Variants in PLEC observed in about 807,000 individuals in gnomAD.
PLEC encodes plectin, also known as hemidesmosomal protein 1.
In PLEC, 216 loss-of-function variants were observed where a neutral mutation model predicts 392.8. The ratio of observed to expected loss-of-function variants is 0.55; its 90% confidence interval spans 0.49 to 0.62. PLEC has a LOEUF of 0.62. PLEC is among the 20% of genes least tolerant of loss of function. PLEC has a pLI of 0.00. For synonymous variants in PLEC, 3,621 were observed against 2,980.6 expected, an observed-to-expected ratio of 1.21 and a Z score of -7.00; for missense variants, 6,863 against 6,563.4, an observed-to-expected ratio of 1.05 and a Z score of -1.58.
Position 143,919,534 on chromosome 8 carries a change from G to A in PLEC, c.10287C>T (p.Ala3429=), listed in dbSNP as rs759606321. Residue 3429 remains alanine, a synonymous_variant, in exon 32 of 32, where the codon GCC becomes GCT. Transcript: ENST00000345136. ...CTCTGTAGCCGGTGACGGCCTTCTC[G>A]GCAGACAGCAGCTGCTCGTGAAGCT... ...GPELHEQLLS[A]EKAVTGYRDP... The A allele has an allele frequency of 4.5e-5, 72 of 1,611,146 alleles. No homozygotes were observed. The highest frequency in any genetic ancestry group is 5.6e-5 in the Non-Finnish European group (66 of 1,179,536).
chr8:143,930,559 A>T lies in PLEC; in HGVS notation c.2305-23T>A, dbSNP rs1554714245. 5.1e-6 allele frequency: 8 copies of T among 1,570,150 alleles called. No homozygotes were observed. The South Asian group carries it at 8.1e-5, about 16-fold the overall frequency. Reference sequence around the variant, plus strand: ...GTCCTGTGGGGGAGGGGCAGCATCCAGACGAGGGCCATGGAGACCCACAGG... The same window carrying T: ...GTCCTGTGGGGGAGGGGCAGCATCCTGACGAGGGCCATGGAGACCCACAGG... On this transcript the variant is annotated intron_variant, in intron 19 of 31. Coordinates refer to ENST00000345136, the MANE Select transcript of PLEC (RefSeq NM_201384.3).
rs782526167 is a variant in PLEC at position 143,919,067 on chromosome 8, A to G, written c.10754T>C (p.Met3585Thr). Reference sequence around the variant, plus strand: ...CGACTGCATCACCTCCCACAGGGACATGGTGGAGCCGCCGTGGCTGCCGCC... The same window carrying G: ...CGACTGCATCACCTCCCACAGGGACGTGGTGGAGCCGCCGTGGCTGCCGCC... Reference protein sequence around the residue: ...PGGGSHGGSTMSLWEVMQSDL... With the variant: ...PGGGSHGGSTTSLWEVMQSDL... Residue 3585 changes from methionine (M) to threonine (T), a missense_variant, in exon 32 of 32, where the codon ATG becomes ACG. By Grantham distance (81) the Met-to-Thr change is moderately conservative (BLOSUM62 -1). Coordinates refer to ENST00000345136, the MANE Select transcript of PLEC (RefSeq NM_201384.3). 24 of 1,611,304 alleles carry G rather than the reference A, an allele frequency of 1.5e-5. No individual in the cohort carries two copies. The South Asian group carries it at 1.6e-4, about 11-fold the overall frequency.
chr8:143,930,329 C>A (rs373367145), intron 20 of PLEC, 31 bp from the exon 21 acceptor site: 1 of 1,591,858 alleles, frequency 6.3e-7, no homozygotes, highest in East Asian at 2.3e-5. Flanking sequence ...GAGGACATGG[C>A]CACACCCTGC....
intron 1 of PLEC, among the ~76,000 whole-genome samples, chr8:143,961,291 T>C (rs1379223032): frequency 6.6e-6 from 1 of 151,862 alleles, no homozygotes; most frequent in Admixed American, 6.6e-5. Context: ...AATGGCGCGA[T>C]CTCAGCTCAC....
chr8:143,929,216 C>T lies in PLEC; in HGVS notation c.3147G>A (p.Lys1049=). ...GCGATGGCTCTGGTAGGGCCAAGACCTTCTCGGCCTCGGCAGAGAGCCGGG... is the reference window on the plus strand; with the variant it reads ...GCGATGGCTCTGGTAGGGCCAAGACTTTCTCGGCCTCGGCAGAGAGCCGGG... ...GVARLSAEAE[K]VLALPEPSPA... Residue 1049 remains lysine, a synonymous_variant, in exon 25 of 32, where the codon AAG becomes AAA. Transcript: ENST00000345136. The T allele has an allele frequency of 6.2e-7, 1 of 1,602,814 alleles. No homozygotes were observed. The highest frequency in any genetic ancestry group is 1.1e-5 in the South Asian group (1 of 90,072).
Position 143,924,660 on chromosome 8 carries a change from G to A in PLEC, c.5269C>T (p.Leu1757=), listed in dbSNP as rs1554698544. 2 of 1,536,046 alleles carry A rather than the reference G, an allele frequency of 1.3e-6. No homozygotes were observed. The part of the protein sequence containing the change: ...TQKRQELEAE[L]AKVRAEMEVL... The stretch of plus-strand genomic sequence containing the variant: ...TCCATCTCGGCCCGCACCTTGGCCA[G>A]CTCGGCTTCCAGCTCCTGCCGTTTC... Residue 1757 remains leucine (L), a synonymous_variant, in exon 31 of 32, where the codon CTG becomes TTG. Transcript: ENST00000345136.
At position 143,933,077 on chromosome 8, in the gene PLEC, G is replaced by A. The variant is rs1437842181; in HGVS notation, c.1453C>T (p.Arg485Cys). The A allele has an allele frequency of 8.8e-6, 14 of 1,590,410 alleles. No homozygotes were observed. The East Asian group carries it at 9.1e-5, about 10-fold the overall frequency. The change falls in exon 14 of 32, where the codon CGC becomes TGC. Residue 485 changes from arginine (R) to cysteine (C), a missense_variant. Coordinates refer to ENST00000345136, the MANE Select transcript of PLEC (RefSeq NM_201384.3). ...TTCAGCCGTAGGTTGTACTCGGTGC[G>A]GATGGCTACCAGGCGCTCGTGCAGA... is the stretch of plus-strand genomic sequence containing the variant. Reference protein sequence around the residue: ...YRLHERLVAIRTEYNLRLKAG... With the variant: ...YRLHERLVAICTEYNLRLKAG...
At chr8:143,929,318 A>G (rs1564096630) in intron 24 of PLEC, 37 bp from the exon 25 acceptor site, 1 of 1,593,936 alleles carries the variant, frequency 6.3e-7, no homozygotes, top group Non-Finnish European at 8.5e-7. Context: ...CTCATCACCG[A>G]GCGCAGCACA....
chr8:143,967,636 A>G (rs56358626), intron 1 of PLEC, among the ~76,000 whole-genome samples: 5,825 of 152,092 alleles, frequency 0.038, 376 homozygotes, highest in African/African-American at 0.13. Context: ...AAAAAGGTGT[A>G]GTAGCCAGGC....
At chr8:143,948,665 G>T (rs1268017524) in intron 1 of PLEC, among the ~76,000 whole-genome samples, 3 of 152,208 alleles carry the variant, frequency 2.0e-5, no homozygotes, top group African/African-American at 7.2e-5. Context: ...ATCGGGGAGG[G>T]GTGCCCTCCG....
rs782767052 is a variant in PLEC at position 143,930,022 on chromosome 8, G to C, written c.2653C>G (p.Gln885Glu). Reference protein sequence around the residue: ...QHQALVTLWHQLHVDMKSLLA... With the variant: ...QHQALVTLWHELHVDMKSLLA... The stretch of plus-strand genomic sequence containing the variant: ...AGGCTCTTCATGTCCACGTGCAACT[G>C]GTGCCACAGCGTGACCAGGGCCTGG... Residue 885 changes from glutamine to glutamate, a missense_variant, in exon 22 of 32, where the codon CAG (glutamine) becomes GAG (glutamate). Gln to Glu is a conservative substitution (Grantham distance 29, BLOSUM62 2). Transcript: ENST00000345136. 1.2e-6 allele frequency: 2 copies of C among 1,612,212 alleles called. No individual in the cohort carries two copies. Among genetic ancestry groups the C allele is most frequent in the Non-Finnish European group, 1.7e-6 (2 of 1,179,786 alleles).
chr8:143,953,754 G>A (rs1832428957), upstream of PLEC: 1 of 1,612,140 alleles, frequency 6.2e-7, no homozygotes, highest in African/African-American at 1.3e-5. Context: ...CGTTCTGGAT[G>A]GCTCGCGAGG....
In PLEC at chr8:143,967,292, G is replaced by T. The variant is rs1833150313; in HGVS notation, c.70+6111C>A. On this transcript the variant is annotated intron_variant, in intron 1 of 31. Coordinates refer to the PLEC transcript ENST00000356346. ...GCAGGAGAATGGCTTGAACCCGGGA[G>T]GCGGAGGTTGCAGTGAGCCGAGATC... Among the ~76,000 whole-genome samples the T allele has an allele frequency of 2.0e-5, 3 of 150,490 alleles. No individual in the cohort carries two copies. The East Asian group carries it at 5.9e-4, about 29-fold the overall frequency.
chr8:143,972,257 G>A (rs1006598304), intron 1 of PLEC, among the ~76,000 whole-genome samples: 6 of 152,346 alleles, frequency 3.9e-5, no homozygotes, highest in Middle Eastern at 6.8e-3. Flanking sequence ...AGGCAGGGCC[G>A]GCCATGTAGA....
At chr8:143,950,423 G>A (rs551169866) in exon 1 of PLEC, 6 of 1,602,084 alleles carry the variant, frequency 3.7e-6, no homozygotes, top group South Asian at 2.2e-5. Flanking sequence ...CTGCAGAGAG[G>A]CGGGCACGAT....
chr8:143,926,662 G>A (rs943793332), intron 30 of PLEC, 122 bp downstream of exon 30: 53 of 848,772 alleles, frequency 6.2e-5, no homozygotes, highest in African/African-American at 5.1e-4. Context: ...TGCTGGCAGC[G>A]CCAGTGGGGA....
intron 28 of PLEC, 44 bp from the exon 29 acceptor site, chr8:143,927,125 T>C: frequency 6.4e-7 from 1 of 1,574,184 alleles, no homozygotes; most frequent in Non-Finnish European, 8.7e-7. Flanking sequence ...TGCCCTCCGA[T>C]GGCCCCTGCC....
At chr8:143,929,392 G>C (rs1169299001) in intron 24 of PLEC, 22 bp downstream of exon 24, 2 of 1,558,880 alleles carry the variant, frequency 1.3e-6, no homozygotes, top group Non-Finnish European at 1.7e-6. Context: ...GATGGGACTG[G>C]ATGGGGGGGG....
At position 143,936,963 on chromosome 8, in the gene PLEC, G is replaced by C; in HGVS notation, c.435+16C>G. The C allele has an allele frequency of 6.3e-7, 1 of 1,599,210 alleles. No individual in the cohort carries two copies. Among genetic ancestry groups the C allele is most frequent in the Non-Finnish European group, 8.6e-7 (1 of 1,167,688 alleles). On this transcript the variant is annotated intron_variant, in intron 5 of 31. Transcript: ENST00000345136. ...ACTCCTGCAGGGGGTGGGGGTCCTGGGGGCAGCCGTTCTACCTGGAAGTGC... is the reference window on the plus strand; with the variant it reads ...ACTCCTGCAGGGGGTGGGGGTCCTGCGGGCAGCCGTTCTACCTGGAAGTGC...
Sources: gnomAD v4.1 joint callset for allele counts (sites outside exome capture counted in the v4.1 genomes callset) on GRCh38, gnomAD v4.1.1 for gene constraint, MANE v1.5 for transcripts, NCBI Gene and HGNC (gene_info 2026-07-23, HGNC 2026-07-21) for gene names.